The following SLC35F3 variants were observed in gnomAD, a reference collection of about 807,000 sequenced individuals.
SLC35F3 encodes putative thiamine transporter SLC35F3.
SLC35F3 carries 25 observed loss-of-function variants against 49.9 expected under a neutral mutation model. The ratio of observed to expected loss-of-function variants is 0.50; its 90% CI spans 0.37 to 0.70. The LOEUF (loss-of-function observed/expected upper bound fraction) is 0.70. Ranked by LOEUF, SLC35F3 falls within the 30% of genes least tolerant of loss-of-function variation. The pLI, the probability that SLC35F3 is intolerant of heterozygous loss-of-function variation, is 0.00. For missense variants in SLC35F3, 525 were observed against 639.8 expected (o/e 0.82, Z 1.94); for synonymous variants, 275 against 265.4 (o/e 1.04, Z -0.35).
intron 2 of SLC35F3, among the ~76,000 whole-genome samples, chr1:234,151,531 GA>G (rs549173313): frequency 1.5e-4 from 21 of 144,700 alleles, no homozygotes; most frequent in African/African-American, 2.3e-4. Flanking sequence ...TATAAGATGT[GA>G]AAAAAAAAAC....
chr1:234,269,685 T>A (rs150348027), intron 3 of SLC35F3, among the ~76,000 whole-genome samples: 71 of 152,308 alleles, frequency 4.7e-4, no homozygotes, highest in Middle Eastern at 3.4e-3. Context: ...GTTTGGCTCA[T>A]GGGGGCATGA....
At chr1:234,102,929 G>A (rs1665234371) in intron 2 of SLC35F3, among the ~76,000 whole-genome samples, 1 of 152,202 alleles carries the variant, frequency 6.6e-6, no homozygotes, top group Non-Finnish European at 1.5e-5. Context: ...AAGTGGGCAG[G>A]GTAGAGCATG....
intron 3 of SLC35F3, among the ~76,000 whole-genome samples, chr1:234,253,891 G>A (rs535475650): frequency 6.6e-6 from 1 of 152,324 alleles, no homozygotes; most frequent in East Asian, 1.9e-4. Flanking sequence ...ATGTCACTGT[G>A]AGGGGTAGAG....
intron 2 of SLC35F3, among the ~76,000 whole-genome samples, chr1:233,975,035 T>C (rs4348787): frequency 0.65 from 98,783 of 152,166 alleles, 33,331 homozygotes; most frequent in East Asian, 0.89. Context: ...GGCTGCAAAG[T>C]AGAGGCTCTG....
chr1:234,139,595 A>G (rs1430891736), intron 2 of SLC35F3, among the ~76,000 whole-genome samples: 1 of 152,136 alleles, frequency 6.6e-6, no homozygotes, highest in Non-Finnish European at 1.5e-5. Flanking sequence ...TTCACTTTCC[A>G]TGGTCAAGTT....
intron 2 of SLC35F3, among the ~76,000 whole-genome samples, chr1:233,980,771 A>C (rs991525671): frequency 6.6e-6 from 1 of 152,210 alleles, no homozygotes; most frequent in Non-Finnish European, 1.5e-5. Context: ...AGCTCCCTTC[A>C]CATCGTACTG....
At chr1:234,103,621 C>T (rs1359026133) in intron 2 of SLC35F3, among the ~76,000 whole-genome samples, 1 of 152,154 alleles carries the variant, frequency 6.6e-6, no homozygotes, top group Non-Finnish European at 1.5e-5. Flanking sequence ...CAGATCTAAG[C>T]TGAAATCGTT....
chr1:234,108,525 T>TTA lies in SLC35F3; in HGVS notation c.284-122885_284-122884dup, dbSNP rs542106247. The stretch of plus-strand genomic sequence containing the variant: ...TATATATATAAATGATATATATTAT[T>TTA]TATATATAAAAGATATATATTATTT... On this transcript the variant is annotated intron_variant, in intron 2 of 7. Coordinates refer to ENST00000366618, the MANE Select transcript of SLC35F3 (RefSeq NM_173508.4). 7.1e-3 allele frequency among the ~76,000 whole-genome samples: 508 copies of TTA among 71,694 alleles called. 2 individuals carry two copies. The highest frequency in any genetic ancestry group is 0.016 in the South Asian group (29 of 1,834). 47.0% of individuals were successfully genotyped at this position (71,694 alleles called of 152,430 possible). A position where few individuals can be genotyped will look rare whatever the true frequency, so the allele number is the denominator to read the frequency against.
intron 3 of SLC35F3, among the ~76,000 whole-genome samples, chr1:234,243,216 G>C (rs1446934308): frequency 6.6e-6 from 1 of 152,066 alleles, no homozygotes; most frequent in African/African-American, 2.4e-5. Context: ...TTAGCTGGGC[G>C]TGGTGGTGCA....
At chr1:234,058,052 C>G (rs996729832) in intron 2 of SLC35F3, among the ~76,000 whole-genome samples, 1 of 152,114 alleles carries the variant, frequency 6.6e-6, no homozygotes, top group African/African-American at 2.4e-5. Flanking sequence ...CATTCTTTCA[C>G]TGTTAAATAT....
intron 2 of SLC35F3, among the ~76,000 whole-genome samples, chr1:234,229,776 T>G (rs1052771151): frequency 6.6e-6 from 1 of 152,200 alleles, no homozygotes; most frequent in African/African-American, 2.4e-5. Context: ...AGATGTTAAT[T>G]CAAAATGGCA....
At chr1:234,139,951 T>TAATAAAATAAAATAAATAAAATAAAATAA (rs1665868637) in intron 2 of SLC35F3, among the ~76,000 whole-genome samples, 10 of 90,578 alleles carry the variant, frequency 1.1e-4, no homozygotes, top group Non-Finnish European at 2.1e-4. Context: ...CATCTCAAAA[T>TAATAAAATAAAATAAATAAAATAAAATAA]AATAAAATAA....
chr1:233,924,599 A>AT (rs1295997699), intron 2 of SLC35F3, among the ~76,000 whole-genome samples: 1 of 152,064 alleles, frequency 6.6e-6, no homozygotes, highest in Non-Finnish European at 1.5e-5. Context: ...GGGTTCATTG[A>AT]TTTTTTGAAG....
intron 2 of SLC35F3, among the ~76,000 whole-genome samples, chr1:233,921,690 A>G (rs917332464): frequency 5.9e-5 from 9 of 152,052 alleles, no homozygotes; most frequent in Admixed American, 5.9e-4. Context: ...TCTAGGGTAC[A>G]TGTGCACAAC....
At chr1:233,919,132 C>T (rs1268615450) in intron 2 of SLC35F3, among the ~76,000 whole-genome samples, 3 of 152,104 alleles carry the variant, frequency 2.0e-5, no homozygotes, top group Non-Finnish European at 2.9e-5. Flanking sequence ...AATGGCCTTA[C>T]GTAATTCAGG....
rs112060129 is a variant in SLC35F3 at position 234,289,343 on chromosome 1, C to T, written c.609-19758C>T. On this transcript the variant is annotated intron_variant, in intron 3 of 7. Transcript: ENST00000366618. ...GTTCTTGAAAATAAGGAATGGAAGGCGACAGGTGCCAGAAATGAAGAACCA... is the reference window on the plus strand; with the variant it reads ...GTTCTTGAAAATAAGGAATGGAAGGTGACAGGTGCCAGAAATGAAGAACCA... 1.5e-3 allele frequency among the ~76,000 whole-genome samples: 222 copies of T among 152,226 alleles called. 2 individuals carry two copies. The highest frequency in any genetic ancestry group is 5.0e-3 in the African/African-American group (206 of 41,540).
At chr1:234,043,388 TAAAATTATATTAA>T (rs1184464445) in intron 2 of SLC35F3, among the ~76,000 whole-genome samples, 4 of 152,192 alleles carry the variant, frequency 2.6e-5, no homozygotes, top group Non-Finnish European at 5.9e-5. Context: ...TTAATTAATT[TAAAATTATATTAA>T]ACTCATACAC....
In SLC35F3 at chr1:234,265,420, G is replaced by A. The variant is rs559290927; in HGVS notation, c.608+33679G>A. On this transcript the variant is annotated intron_variant, in intron 3 of 7. Transcript: ENST00000366618. Reference sequence around the variant, plus strand: ...ACTCCTGGACTCAAGCGATCCTCCCGCCTCACCCTCCCTGAATGCTGGGAT... The same window carrying A: ...ACTCCTGGACTCAAGCGATCCTCCCACCTCACCCTCCCTGAATGCTGGGAT... Among the ~76,000 whole-genome samples the A allele has an allele frequency of 4.4e-3, 668 of 151,160 alleles. 4 individuals carry two copies. The highest frequency in any genetic ancestry group is 5.3e-3 in the African/African-American group (217 of 41,120).
chr1:234,294,464 T>C (rs1050594888), intron 3 of SLC35F3, among the ~76,000 whole-genome samples: 1 of 152,156 alleles, frequency 6.6e-6, no homozygotes. Context: ...AGCCCCTAGT[T>C]CTAGACTCAG....
Sources: allele counts gnomAD v4.1 joint callset (sites outside exome capture counted in the v4.1 genomes callset), GRCh38; gene constraint gnomAD v4.1.1; transcripts MANE v1.5; gene names NCBI Gene and HGNC (gene_info 2026-07-23, HGNC 2026-07-21).